SAMSN1: variants seen among roughly 807,000 people sequenced by gnomAD.
SAMSN1 encodes SAM domain, SH3 domain and nuclear localization signals 1.
In SAMSN1, 31 loss-of-function variants were observed where a neutral mutation model predicts 42.0. The observed-to-expected ratio is 0.74, with a 90% CI of 0.55 to 1.00. The LOEUF is 1.00. Ranked by LOEUF, SAMSN1 falls within the 50% of genes least tolerant of loss-of-function variation. The probability of loss-of-function intolerance (pLI) is 0.00; values close to 1 mark genes in which losing one functional copy is unlikely to be tolerated. For synonymous variants in SAMSN1, 178 were observed against 151.9 expected, an observed-to-expected ratio of 1.17 and a Z score of -1.26; for missense variants, 464 against 439.4, an observed-to-expected ratio of 1.06 and a Z score of -0.50.
At position 14,485,704 on chromosome 21, in the gene SAMSN1, G is replaced by A. The variant is rs1162871567; in HGVS notation, c.*208C>T. The stretch of plus-strand genomic sequence containing the variant: ...CAAGCAAGTGAAATATTAACACATA[G>A]CATTTAAAATAATAAATATATATTT... On this transcript the variant is annotated 3_prime_UTR_variant, in exon 8 of 8. Coordinates refer to ENST00000400566, the MANE Select transcript of SAMSN1 (RefSeq NM_022136.5). The A allele has an allele frequency of 2.3e-5, 10 of 435,592 alleles. No homozygotes were observed. In the East Asian group the frequency reaches 2.7e-4, roughly 12 times the overall value. 27.0% of individuals were successfully genotyped at this position (435,592 alleles called of 1,614,324 possible).
intron 1 of SAMSN1, among the ~76,000 whole-genome samples, chr21:14,647,539 T>G (rs1983740284): frequency 6.7e-6 from 1 of 148,796 alleles, no homozygotes; most frequent in East Asian, 2.0e-4. Flanking sequence ...ATTGGTAGCT[T>G]GATGGGGATG....
At chr21:14,633,189 C>A (rs1366502127) in intron 2 of SAMSN1, among the ~76,000 whole-genome samples, 1 of 152,108 alleles carries the variant, frequency 6.6e-6, no homozygotes, top group Admixed American at 6.6e-5. Flanking sequence ...CTCTCTCTCT[C>A]TCTCTCTACA....
At chr21:14,549,470 G>T (rs1046608753), upstream of SAMSN1, among the ~76,000 whole-genome samples, 6 of 152,052 alleles carry the variant, frequency 3.9e-5, no homozygotes, top group Admixed American at 2.6e-4. Flanking sequence ...ATGAAGAGTT[G>T]GTTGGGCACA....
chr21:14,499,491 CAAAAAA>C (rs11301197), intron 6 of SAMSN1, among the ~76,000 whole-genome samples: 2 of 133,834 alleles, frequency 1.5e-5, no homozygotes, highest in Admixed American at 7.5e-5. Flanking sequence ...CCCTTTTTAA[CAAAAAA>C]AAAAAAAAAA....
At chr21:14,497,353 G>A (rs1264105995) in intron 7 of SAMSN1, among the ~76,000 whole-genome samples, 1 of 152,134 alleles carries the variant, frequency 6.6e-6, no homozygotes, top group Non-Finnish European at 1.5e-5. Flanking sequence ...CCAGCACTTT[G>A]AGAGGCCAAG....
chr21:14,521,383 T>C (rs895937663), intron 1 of SAMSN1, among the ~76,000 whole-genome samples, 162 bp from the exon 2 acceptor site: 1 of 152,262 alleles, frequency 6.6e-6, no homozygotes, highest in Non-Finnish European at 1.5e-5. Flanking sequence ...AAGGTATACC[T>C]ATTAACATTT....
At chr21:14,582,158 T>A (rs1263211327) in exon 2 of SAMSN1, 29 of 1,549,398 alleles carry the variant, frequency 1.9e-5, no homozygotes, top group Non-Finnish European at 2.5e-5. Context: ...GAGATCCATA[T>A]CTGAGCAGGA....
intron 2 of SAMSN1, among the ~76,000 whole-genome samples, chr21:14,578,145 G>GAA (rs1191333553): frequency 1.3e-5 from 2 of 152,144 alleles, no homozygotes; most frequent in African/African-American, 2.4e-5. Flanking sequence ...TTTTCTAATA[G>GAA]ATATTAATAA....
chr21:14,506,571 A>T lies in SAMSN1; in HGVS notation c.561+3739T>A, dbSNP rs114354315. ...TAATTTTAAAATTACCAACAAAAAA[A>T]GTTGAGGACCAGACCTATTCACAGC... On this transcript the variant is annotated intron_variant, in intron 5 of 7. Coordinates refer to ENST00000400566, the MANE Select transcript of SAMSN1 (RefSeq NM_022136.5). Among the ~76,000 whole-genome samples, 511 of 152,284 alleles carry T rather than the reference A, an allele frequency of 3.4e-3. 6 individuals are homozygous for T. Among genetic ancestry groups the T allele is most frequent in the African/African-American group, 0.012 (484 of 41,578 alleles).
rs377402424 is a variant in SAMSN1, at chr21:14,601,108, G to A, written c.399+915C>T. 7.3e-4 allele frequency among the ~76,000 whole-genome samples: 111 copies of A among 152,270 alleles called. 1 individual carries two copies. The South Asian group carries it at 7.9e-3, about 11-fold the overall frequency. ...GCACAATGCCACATAGCTACTAACA[G>A]TCAAAGCAAGATTCAAACTGAGCTC... On this transcript the variant is annotated intron_variant, in intron 6 of 15. Coordinates refer to the SAMSN1 transcript ENST00000647101.
upstream of SAMSN1, among the ~76,000 whole-genome samples, chr21:14,585,847 T>G (rs2822799): frequency 0.14 from 21,812 of 152,174 alleles, 3,386 homozygotes; most frequent in African/African-American, 0.39. Flanking sequence ...TAGTAGCAAA[T>G]TATTTCTGGA....
intron 5 of SAMSN1, among the ~76,000 whole-genome samples, chr21:14,607,603 G>T: frequency 6.6e-6 from 1 of 152,114 alleles, no homozygotes; most frequent in East Asian, 1.9e-4. Flanking sequence ...ATCAAAGCTG[G>T]GAAAAATTCT....
At chr21:14,646,023 T>C (rs1165791482) in intron 1 of SAMSN1, among the ~76,000 whole-genome samples, 2 of 151,872 alleles carry the variant, frequency 1.3e-5, no homozygotes, top group Non-Finnish European at 2.9e-5. Flanking sequence ...ATCTAGAAAA[T>C]TGCCTCAAAA....
At chr21:14,596,199 C>CA (rs1308714144) in intron 6 of SAMSN1, among the ~76,000 whole-genome samples, 1 of 152,018 alleles carries the variant, frequency 6.6e-6, no homozygotes, top group Non-Finnish European at 1.5e-5. Context: ...TCACCGGAAA[C>CA]AAGAGATTTG....
At chr21:14,518,432 T>C (rs752511423) in intron 2 of SAMSN1, among the ~76,000 whole-genome samples, 15 of 137,708 alleles carry the variant, frequency 1.1e-4, no homozygotes, top group Non-Finnish European at 1.7e-4. Flanking sequence ...ACTTCTCATG[T>C]AGAACGTTGC....
Position 14,486,131 on chromosome 21 carries a change from AG to A in SAMSN1, c.920-18del, listed in dbSNP as rs1230220245. 1 of 1,584,608 alleles carries A rather than the reference AG, an allele frequency of 6.3e-7. No individual in the cohort carries two copies. The highest frequency in any genetic ancestry group is 1.3e-5 in the African/African-American group (1 of 74,194). On this transcript the variant is annotated intron_variant, in intron 7 of 7. Transcript: ENST00000400566. ...CTTGAATAACTGTAAATGGAAAAAA[AG>A]GGCAGGAGTTAGGTAAAGCAACACA...
At chr21:14,512,676 TTAAGGATACA>T (rs1987740435) in intron 3 of SAMSN1, 103 bp from the exon 4 acceptor site, 1 of 1,086,428 alleles carries the variant, frequency 9.2e-7, no homozygotes, top group Admixed American at 1.9e-5. Flanking sequence ...AATAAAATAC[TTAAGGATACA>T]TAAGGATAAA....
At chr21:14,650,212 C>T (rs995498396) in intron 1 of SAMSN1, among the ~76,000 whole-genome samples, 5 of 152,116 alleles carry the variant, frequency 3.3e-5, no homozygotes, top group Non-Finnish European at 5.9e-5. Flanking sequence ...ATTTACAGAA[C>T]ATTTCAGCCA....
upstream of SAMSN1, among the ~76,000 whole-genome samples, chr21:14,546,868 C>T (rs1980421751): frequency 6.6e-6 from 1 of 151,946 alleles, no homozygotes; most frequent in Non-Finnish European, 1.5e-5. Flanking sequence ...TGCCACCATG[C>T]CTGGCTAATT....
Sources: allele counts gnomAD v4.1 joint callset (sites outside exome capture counted in the v4.1 genomes callset), GRCh38; gene constraint gnomAD v4.1.1; transcripts MANE v1.5; gene names NCBI Gene and HGNC (gene_info 2026-07-23, HGNC 2026-07-21).